Variants in IFNG-AS1 observed in about 807,000 individuals in gnomAD.
IFNG-AS1 encodes the protein IFNG regulatory antisense RNA 1, also known as IFNG antisense RNA 1 (non-protein coding).
At chr12:68,003,128 G>C (rs1879812013) in intron 2 of IFNG-AS1, among the ~76,000 whole-genome samples, 1 of 151,974 alleles carries the variant, frequency 6.6e-6, no homozygotes, top group Admixed American at 6.6e-5. Context: ...AAAATTGCTA[G>C]AGTCCATTTC....
rs78834181 is a variant in IFNG-AS1 at position 68,010,230 on chromosome 12, C to T, written n.241+4084C>T. On this transcript the variant is annotated intron_variant and non_coding_transcript_variant, in intron 3 of 5. Transcript: ENST00000536914. ...TGAAGTCTGGACCACTATTAAGGCACTGTCCAATCAGTGAAGTTATCTATT... is the reference window on the plus strand; with the variant it reads ...TGAAGTCTGGACCACTATTAAGGCATTGTCCAATCAGTGAAGTTATCTATT... Among the ~76,000 whole-genome samples, 1,303 of 152,258 alleles carry T rather than the reference C, an allele frequency of 8.6e-3. 16 individuals carry two copies. Among genetic ancestry groups the T allele is most frequent in the Non-Finnish European group, 0.011 (733 of 68,034 alleles).
At chr12:68,015,116 G>T (rs777140508) in intron 3 of IFNG-AS1, among the ~76,000 whole-genome samples, 2 of 152,094 alleles carry the variant, frequency 1.3e-5, no homozygotes, top group Admixed American at 1.3e-4. Flanking sequence ...AGAAGGAAGA[G>T]CTCAAAACAC....
intron 3 of IFNG-AS1, among the ~76,000 whole-genome samples, chr12:68,015,860 AG>A (rs1413305845): frequency 1.3e-5 from 2 of 151,976 alleles, no homozygotes; most frequent in African/African-American, 2.4e-5. Context: ...GGAGGTTAAG[AG>A]GGTTGCCACT....
intron 2 of IFNG-AS1, among the ~76,000 whole-genome samples, chr12:68,001,104 T>C (rs960603961): frequency 6.6e-6 from 1 of 152,070 alleles, no homozygotes; most frequent in African/African-American, 2.4e-5. Context: ...CATATATACT[T>C]GCACATACAT....
intron 3 of IFNG-AS1, among the ~76,000 whole-genome samples, chr12:68,009,403 C>T (rs1315810702): frequency 6.6e-6 from 1 of 152,124 alleles, no homozygotes; most frequent in Non-Finnish European, 1.5e-5. Context: ...AGTGCAGTGA[C>T]ACAATCTTGG....
intron 3 of IFNG-AS1, among the ~76,000 whole-genome samples, chr12:68,014,682 C>T (rs1010102179): frequency 2.0e-5 from 3 of 152,072 alleles, no homozygotes; most frequent in Non-Finnish European, 4.4e-5. Context: ...ACTTGAACTG[C>T]GTCTCTTTCC....
intron 2 of IFNG-AS1, among the ~76,000 whole-genome samples, chr12:68,002,073 C>A (rs927215002): frequency 3.9e-5 from 6 of 152,134 alleles, no homozygotes; most frequent in Non-Finnish European, 1.5e-5. Context: ...TTTCCTCTCC[C>A]GGTAATGTTT....
intron 2 of IFNG-AS1, among the ~76,000 whole-genome samples, chr12:68,003,991 G>T (rs1879848263): frequency 6.9e-6 from 1 of 144,308 alleles, no homozygotes; most frequent in Non-Finnish European, 1.5e-5. Context: ...TGTAAGCTTT[G>T]CTGACATTCA....
At chr12:68,000,679 A>C (rs1358695636) in intron 2 of IFNG-AS1, among the ~76,000 whole-genome samples, 1 of 152,166 alleles carries the variant, frequency 6.6e-6, no homozygotes, top group Non-Finnish European at 1.5e-5. Flanking sequence ...CTCTTAAAAA[A>C]AAAAGTTAAA....
At chr12:68,007,774 G>A (rs1414256679) in intron 3 of IFNG-AS1, among the ~76,000 whole-genome samples, 1 of 152,184 alleles carries the variant, frequency 6.6e-6, no homozygotes, top group Non-Finnish European at 1.5e-5. Flanking sequence ...AGCCATGACA[G>A]ATAGATAGAA....
chr12:68,020,605 T>C (rs1287575838), intron 4 of IFNG-AS1: 4 of 152,180 alleles, frequency 2.6e-5, no homozygotes, highest in Admixed American at 2.6e-4. Flanking sequence ...TGCAAAGAAA[T>C]GCAATCGTAG....
At chr12:67,992,460 G>T (rs1413207242) in intron 1 of IFNG-AS1, among the ~76,000 whole-genome samples, 1 of 152,156 alleles carries the variant, frequency 6.6e-6, no homozygotes, top group South Asian at 2.1e-4. Context: ...GGAGCCATTG[G>T]AGGACACATA....
chr12:68,016,366 G>T (rs563074132), intron 3 of IFNG-AS1, among the ~76,000 whole-genome samples: 4 of 152,108 alleles, frequency 2.6e-5, no homozygotes, highest in South Asian at 2.1e-4. Flanking sequence ...TTGCTTGATG[G>T]TAGTGGTTTT....
rs559799125 is a variant in IFNG-AS1 at position 68,006,498 on chromosome 12, C to T, written n.241+352C>T. Among the ~76,000 whole-genome samples the T allele has an allele frequency of 4.6e-5, 7 of 152,148 alleles. No individual in the cohort carries two copies. In the East Asian group the frequency reaches 7.7e-4, roughly 17 times the overall value. On this transcript the variant is annotated intron_variant and non_coding_transcript_variant, in intron 3 of 5. Coordinates refer to ENST00000536914, the Ensembl canonical transcript of IFNG-AS1. The stretch of plus-strand genomic sequence containing the variant: ...AGGAAGGGATCAGACATACCCATTG[C>T]GCTATTGTCTGGGAAGAATTCTAAG...
At chr12:68,005,918 C>T (rs953184454) in intron 2 of IFNG-AS1, among the ~76,000 whole-genome samples, 13 of 152,142 alleles carry the variant, frequency 8.5e-5, no homozygotes, top group Non-Finnish European at 1.6e-4. Flanking sequence ...CTTTAACCTC[C>T]AAGAAATGGA....
At chr12:68,015,673 A>G (rs1019285604) in intron 3 of IFNG-AS1, among the ~76,000 whole-genome samples, 3 of 152,186 alleles carry the variant, frequency 2.0e-5, no homozygotes, top group Non-Finnish European at 4.4e-5. Flanking sequence ...TGATGTTTAT[A>G]GTAAAAATAA....
At chr12:67,992,227 T>C (rs543104813) in intron 1 of IFNG-AS1, among the ~76,000 whole-genome samples, 27 of 152,244 alleles carry the variant, frequency 1.8e-4, no homozygotes, top group Non-Finnish European at 3.5e-4. Context: ...TTTCTTTTAA[T>C]ATCTGGCTTT....
At chr12:68,007,360 T>C (rs1025636878) in intron 3 of IFNG-AS1, among the ~76,000 whole-genome samples, 1 of 152,206 alleles carries the variant, frequency 6.6e-6, no homozygotes, top group African/African-American at 2.4e-5. Flanking sequence ...GCTAGATATA[T>C]CAAAGACTTT....
chr12:68,003,241 T>C (rs1879814411), intron 2 of IFNG-AS1, among the ~76,000 whole-genome samples: 1 of 152,100 alleles, frequency 6.6e-6, no homozygotes, highest in Non-Finnish European at 1.5e-5. Context: ...ATGGGTGAGG[T>C]GGAGCCCCAG....
Sources: allele counts gnomAD v4.1 joint callset (sites outside exome capture counted in the v4.1 genomes callset), GRCh38; gene constraint gnomAD v4.1.1; transcripts MANE v1.5; gene names NCBI Gene and HGNC (gene_info 2026-07-23, HGNC 2026-07-21).